The following HIVEP3 variants were observed in gnomAD, a reference collection of about 807,000 sequenced individuals.
HIVEP3 encodes transcription factor HIVEP3.
A neutral mutation model predicts 152.8 loss-of-function variants in HIVEP3; 49 were observed. That is an observed-to-expected ratio of 0.32 (90% confidence interval 0.26 to 0.41). The LOEUF is 0.41. HIVEP3 is among the 10% of genes least tolerant of loss of function. The pLI is 1.00. For missense variants in HIVEP3, 2,790 were observed against 3,103.3 expected (o/e 0.90, Z 2.40); for synonymous variants, 1,269 against 1,289.0 (o/e 0.98, Z 0.33).
intron 2 of HIVEP3, among the ~76,000 whole-genome samples, chr1:41,646,526 T>C (rs1384248899): frequency 2.6e-5 from 4 of 152,218 alleles, no homozygotes; most frequent in Non-Finnish European, 5.9e-5. Context: ...AGATGATGTC[T>C]GCACAGTGTG....
At chr1:41,721,973 G>A (rs1178561336) in intron 1 of HIVEP3, among the ~76,000 whole-genome samples, 4 of 152,216 alleles carry the variant, frequency 2.6e-5, no homozygotes. Flanking sequence ...TGCCTGCACA[G>A]ACTCTCAATG....
chr1:41,584,064 C>A lies in HIVEP3; in HGVS notation c.734G>T (p.Arg245Leu). The A allele has an allele frequency of 6.2e-7, 1 of 1,614,124 alleles. No homozygotes were observed. Among genetic ancestry groups the A allele is most frequent in the Non-Finnish European group, 8.5e-7 (1 of 1,180,014 alleles). The change falls in exon 4 of 9, where the codon CGC becomes CTC. Residue 245 changes from arginine (R) to leucine (L), a missense_variant. Arg to Leu is a moderately radical substitution (Grantham distance 102). Around this residue, in one of 9 missense-constraint regions of HIVEP3, gnomAD observed 125 missense variants for 130.1 expected, o/e 0.96. Transcript: ENST00000372583. This position sits in a 1 kb window ranked among gnomAD's most constrained non-coding sequence, Gnocchi z 5.2. ...LYKHRKSHAH[R>L]IKAGLASGMG... Reference sequence around the variant, plus strand: ...GCCTGAGGCCAGGCCTGCTTTGATGCGGTGGGCATGGGACTTCCTGTGCTT... The same window carrying A: ...GCCTGAGGCCAGGCCTGCTTTGATGAGGTGGGCATGGGACTTCCTGTGCTT...
At chr1:41,591,089 T>C (rs964713586) in intron 3 of HIVEP3, among the ~76,000 whole-genome samples, 10 of 152,224 alleles carry the variant, frequency 6.6e-5, no homozygotes, top group Admixed American at 6.5e-4. Context: ...TCATTGCTAT[T>C]GGAGAAAGCA....
At chr1:41,841,088 C>T (rs534583) in intron 1 of HIVEP3, among the ~76,000 whole-genome samples, 18,816 of 152,058 alleles carry the variant, frequency 0.12, 3,775 homozygotes, top group African/African-American at 0.42. Context: ...ATGACTGTAG[C>T]CTGGAGGGCC....
At chr1:41,611,364 T>C (rs1362172893) in intron 3 of HIVEP3, among the ~76,000 whole-genome samples, 1 of 152,104 alleles carries the variant, frequency 6.6e-6, no homozygotes, top group Non-Finnish European at 1.5e-5. Flanking sequence ...AGACACAAAC[T>C]GTGGAGCAAC....
intron 5 of HIVEP3, among the ~76,000 whole-genome samples, chr1:41,530,413 C>G (rs1643210981): frequency 6.6e-6 from 1 of 152,260 alleles, no homozygotes; most frequent in Non-Finnish European, 1.5e-5. Flanking sequence ...ACCAGTTGCT[C>G]ACACCTGGAT....
chr1:41,683,771 G>A (rs547259218), intron 2 of HIVEP3, among the ~76,000 whole-genome samples: 6 of 152,286 alleles, frequency 3.9e-5, no homozygotes, highest in Admixed American at 2.0e-4. Flanking sequence ...GCCTGGCAGA[G>A]GATAGAGCTA....
chr1:41,790,415 G>C (rs550792391), intron 1 of HIVEP3, among the ~76,000 whole-genome samples: 1 of 152,266 alleles, frequency 6.6e-6, no homozygotes, highest in African/African-American at 2.4e-5. Flanking sequence ...GCAGAACCAT[G>C]AGCCAAATAA....
At chr1:41,560,289 G>A (rs145817075) in intron 5 of HIVEP3, among the ~76,000 whole-genome samples, 1 of 152,144 alleles carries the variant, frequency 6.6e-6, no homozygotes, top group Non-Finnish European at 1.5e-5. Flanking sequence ...TGTGTGAGGC[G>A]CAGGGCCAGG....
At chr1:41,563,876 C>T (rs1216307462) in intron 5 of HIVEP3, among the ~76,000 whole-genome samples, 2 of 152,026 alleles carry the variant, frequency 1.3e-5, no homozygotes, top group East Asian at 1.9e-4. Flanking sequence ...GAACAGGATG[C>T]CATTAAAGGG....
chr1:41,557,716 C>G (rs912753943), intron 5 of HIVEP3, among the ~76,000 whole-genome samples: 1 of 152,120 alleles, frequency 6.6e-6, no homozygotes, highest in African/African-American at 2.4e-5. Context: ...CTTGACTTCT[C>G]CCATCTATTA....
At chr1:41,586,169 C>A (rs963751471) in intron 3 of HIVEP3, among the ~76,000 whole-genome samples, 1 of 152,170 alleles carries the variant, frequency 6.6e-6, no homozygotes, top group African/African-American at 2.4e-5. Context: ...GGATCATTGC[C>A]CTCAAGTGGA....
chr1:41,602,947 TTC>T (rs143419888), intron 3 of HIVEP3, among the ~76,000 whole-genome samples: 3,681 of 152,224 alleles, frequency 0.024, 150 homozygotes, highest in African/African-American at 0.084. Flanking sequence ...ATTTTCTAAT[TTC>T]TTTTTTGATT....
chr1:41,791,578 G>A (rs1311816326), intron 1 of HIVEP3, among the ~76,000 whole-genome samples: 6 of 147,446 alleles, frequency 4.1e-5, no homozygotes, highest in Non-Finnish European at 8.9e-5. Flanking sequence ...CATGCTCTAT[G>A]GATGGAGAGG....
chr1:41,768,288 G>A (rs1648136387), intron 1 of HIVEP3, among the ~76,000 whole-genome samples: 1 of 152,146 alleles, frequency 6.6e-6, no homozygotes, highest in African/African-American at 2.4e-5. Context: ...GCTTGTATGG[G>A]GAACTCCTCT....
At chr1:42,005,326 GACAC>G (rs1445776158) in intron 1 of HIVEP3, among the ~76,000 whole-genome samples, 2 of 152,008 alleles carry the variant, frequency 1.3e-5, no homozygotes, top group East Asian at 1.9e-4. Context: ...TACACACACA[GACAC>G]ACGCACGCAC....
intron 6 of HIVEP3, among the ~76,000 whole-genome samples, chr1:41,518,857 T>C (rs1323464703): frequency 7.1e-5 from 10 of 140,972 alleles, no homozygotes; most frequent in African/African-American, 2.6e-4. Flanking sequence ...AGTCTGGCCC[T>C]AGTAGCTGGT....
rs139283035 is a variant in HIVEP3 at position 41,573,751 on chromosome 1, C to G, written c.5207+1793G>C. ...TCTCCCCCTTTTACAGATAAAGAAA[C>G]TGAGGGCGGGAGAGCTGGGGGGCTA... On this transcript the variant is annotated intron_variant, in intron 5 of 8. Transcript: ENST00000372583. 3.9e-5 allele frequency among the ~76,000 whole-genome samples: 6 copies of G among 152,244 alleles called. No homozygotes were observed. In the East Asian group the frequency reaches 1.2e-3, roughly 29 times the overall value.
rs188289834 is a variant in HIVEP3, at chr1:41,621,969, C to T, written c.-522+6780G>A. Reference sequence around the variant, plus strand: ...AATCTCCACTTGACATCAGTTAGGGCCAAACACACAGACCATCATCATTTC... The same window carrying T: ...AATCTCCACTTGACATCAGTTAGGGTCAAACACACAGACCATCATCATTTC... On this transcript the variant is annotated intron_variant, in intron 3 of 8. Transcript: ENST00000372583. Among the ~76,000 whole-genome samples, 31 of 152,338 alleles carry T rather than the reference C, an allele frequency of 2.0e-4. 1 individual carries two copies. In the East Asian group the frequency reaches 5.0e-3, roughly 25 times the overall value.
Sources: allele counts gnomAD v4.1 joint callset (sites outside exome capture counted in the v4.1 genomes callset), GRCh38; gene constraint gnomAD v4.1.1; regional missense constraint gnomAD v4.1.1; non-coding constraint Gnocchi (gnomAD v3.1); transcripts MANE v1.5; gene names NCBI Gene and HGNC (gene_info 2026-07-23, HGNC 2026-07-21).